Variants in MGAT4C observed in about 807,000 individuals in gnomAD.
MGAT4C encodes alpha-1,3-mannosyl-glycoprotein 4-beta-N-acetylglucosaminyltransferase C.
MGAT4C carries 19 observed loss-of-function variants against 40.1 expected under a neutral mutation model. The observed-to-expected ratio is 0.47, with a 90% CI of 0.33 to 0.70. MGAT4C has a LOEUF of 0.70. Ranked by LOEUF, MGAT4C falls within the 30% of genes least tolerant of loss-of-function variation. The pLI, the probability that MGAT4C is intolerant of heterozygous loss-of-function variation, is 0.02. For synonymous variants in MGAT4C, 181 were observed against 187.1 expected, an observed-to-expected ratio of 0.97 and a Z score of 0.27; for missense variants, 491 against 563.2, an observed-to-expected ratio of 0.87 and a Z score of 1.30.
At chr12:86,394,386 G>A (rs1297398935) in intron 3 of MGAT4C, among the ~76,000 whole-genome samples, 4 of 150,802 alleles carry the variant, frequency 2.7e-5, no homozygotes, top group Admixed American at 6.7e-5. Flanking sequence ...GTTCTAAAGA[G>A]GCTGTATGCT....
intron 3 of MGAT4C, among the ~76,000 whole-genome samples, chr12:86,404,334 T>A (rs147666777): frequency 1.6e-3 from 240 of 152,320 alleles, no homozygotes; most frequent in African/African-American, 5.4e-3. Flanking sequence ...CATATCCTAG[T>A]CGTAGACCTG....
chr12:86,687,146 A>G (rs1950087572), intron 2 of MGAT4C, among the ~76,000 whole-genome samples: 2 of 152,150 alleles, frequency 1.3e-5, no homozygotes, highest in South Asian at 4.1e-4. Context: ...TGTTTACAGT[A>G]TTCTTTGATG....
intron 2 of MGAT4C, among the ~76,000 whole-genome samples, chr12:86,025,522 C>T (rs932141817): frequency 3.3e-5 from 5 of 151,600 alleles, no homozygotes; most frequent in African/African-American, 1.2e-4. Context: ...AAAAATTTAT[C>T]CATTGTTGAA....
intron 3 of MGAT4C, among the ~76,000 whole-genome samples, chr12:86,427,114 T>C (rs112826770): frequency 3.9e-4 from 60 of 152,298 alleles, no homozygotes; most frequent in African/African-American, 1.4e-3. Context: ...TGGGATACTA[T>C]TGTTATAGCT....
chr12:86,106,203 T>G (rs561485543), intron 1 of MGAT4C, among the ~76,000 whole-genome samples: 3 of 152,312 alleles, frequency 2.0e-5, no homozygotes, highest in Admixed American at 1.3e-4. Flanking sequence ...TTTTTTTGAC[T>G]GATTTGCCAT....
At chr12:86,663,785 A>C (rs1964036661) in intron 2 of MGAT4C, among the ~76,000 whole-genome samples, 2 of 152,254 alleles carry the variant, frequency 1.3e-5, no homozygotes, top group East Asian at 1.9e-4. Context: ...GGGAAATACA[A>C]GGTTTTTAGT....
At chr12:86,526,435 G>T (rs1003282298) in intron 2 of MGAT4C, among the ~76,000 whole-genome samples, 3 of 152,168 alleles carry the variant, frequency 2.0e-5, no homozygotes, top group Non-Finnish European at 4.4e-5. Context: ...CTGGGAAGCT[G>T]CAGTGTGAGG....
chr12:86,769,094 G>C (rs554314249), intron 1 of MGAT4C, among the ~76,000 whole-genome samples: 120 of 152,108 alleles, frequency 7.9e-4, no homozygotes, highest in African/African-American at 2.6e-3. Context: ...CTACAAAATG[G>C]GAGAACATTT....
intron 1 of MGAT4C, among the ~76,000 whole-genome samples, chr12:86,185,117 C>A (rs1054521249): frequency 2.6e-5 from 4 of 152,124 alleles, no homozygotes; most frequent in Non-Finnish European, 4.4e-5. Context: ...TCTGGAATAA[C>A]AAATAAAAGC....
chr12:86,157,971 G>A (rs182619407), intron 1 of MGAT4C, among the ~76,000 whole-genome samples: 36 of 152,112 alleles, frequency 2.4e-4, no homozygotes, highest in Non-Finnish European at 1.5e-5. Context: ...TTAAACAACT[G>A]AAAAATATAC....
Position 86,326,296 on chromosome 12 carries a change from T to TCACACACA in MGAT4C, c.-57+7761_-57+7768dup, listed in dbSNP as rs3047013. On this transcript the variant is annotated intron_variant, in intron 4 of 7. Coordinates refer to the MGAT4C transcript ENST00000548651. ...AGAGGGTAGATCTGCAGTATTCTCA[T>TCACACACA]CACACACACACACACACACACACAC... 1.0e-3 allele frequency among the ~76,000 whole-genome samples: 146 copies of TCACACACA among 140,838 alleles called. 1 individual carries two copies. Among genetic ancestry groups the TCACACACA allele is most frequent in the African/African-American group, 2.7e-3 (105 of 38,862 alleles). 92.4% of individuals were successfully genotyped at this position (140,838 alleles called of 152,430 possible). A position where few individuals can be genotyped will look rare whatever the true frequency, so the allele number is the denominator to read the frequency against.
At chr12:86,399,576 C>G (rs566715113) in intron 3 of MGAT4C, among the ~76,000 whole-genome samples, 8 of 152,270 alleles carry the variant, frequency 5.3e-5, no homozygotes, top group African/African-American at 1.9e-4. Flanking sequence ...CCACCGTGCC[C>G]GGGCCTGTCC....
chr12:85,984,305 T>C (rs555859396), intron 3 of MGAT4C, among the ~76,000 whole-genome samples: 194 of 152,294 alleles, frequency 1.3e-3, no homozygotes, highest in African/African-American at 4.4e-3. Flanking sequence ...TAACCTCAAA[T>C]AGGATACATT....
intron 1 of MGAT4C, among the ~76,000 whole-genome samples, chr12:86,830,607 A>G (rs975333413): frequency 6.6e-6 from 1 of 151,830 alleles, no homozygotes; most frequent in Non-Finnish European, 1.5e-5. Context: ...AATCTACATA[A>G]TGGTAGGACC....
At chr12:86,299,397 G>C (rs186513901) in intron 4 of MGAT4C, among the ~76,000 whole-genome samples, 1 of 152,162 alleles carries the variant, frequency 6.6e-6, no homozygotes, top group East Asian at 1.9e-4. Flanking sequence ...GATTACAGGC[G>C]TGAGCCACTG....
At chr12:86,336,648 T>C (rs1285403015) in intron 3 of MGAT4C, among the ~76,000 whole-genome samples, 2 of 152,106 alleles carry the variant, frequency 1.3e-5, no homozygotes, top group Non-Finnish European at 2.9e-5. Context: ...CATGGTATTA[T>C]CCAGGCAATT....
At chr12:86,176,176 C>G (rs1194056648) in intron 1 of MGAT4C, among the ~76,000 whole-genome samples, 8 of 152,100 alleles carry the variant, frequency 5.3e-5, no homozygotes, top group Non-Finnish European at 5.9e-5. Flanking sequence ...GTTTCTCAAA[C>G]CTAATCTCTC....
rs1222007926 is a variant in MGAT4C, at chr12:86,706,855, G to T, written c.-229+20354C>A. Among the ~76,000 whole-genome samples the T allele has an allele frequency of 3.3e-5, 5 of 152,136 alleles. No homozygotes were observed. The South Asian group carries it at 1.0e-3, about 31-fold the overall frequency. On this transcript the variant is annotated intron_variant, in intron 2 of 7. Transcript: ENST00000548651. The stretch of plus-strand genomic sequence containing the variant: ...TCTTGAATTCCCACATGTTGTGGGA[G>T]GGACCTGGTAGGAGGTAATTGAATC...
chr12:86,065,333 T>C (rs185472907), intron 1 of MGAT4C, among the ~76,000 whole-genome samples: 1 of 152,268 alleles, frequency 6.6e-6, no homozygotes, highest in Admixed American at 6.5e-5. Flanking sequence ...GCAAACTGAA[T>C]CCAGCAGCAC....
Sources: gnomAD v4.1 joint callset for allele counts (sites outside exome capture counted in the v4.1 genomes callset) on GRCh38, gnomAD v4.1.1 for gene constraint, MANE v1.5 for transcripts, NCBI Gene and HGNC (gene_info 2026-07-23, HGNC 2026-07-21) for gene names.